DST: variants seen among roughly 807,000 people sequenced by gnomAD.
The protein encoded by DST is dystonin.
In DST, 253 loss-of-function variants were observed where a neutral mutation model predicts 875.2. That is an observed-to-expected ratio of 0.29 (90% CI 0.26 to 0.32). The LOEUF is 0.32. DST is among the 10% of genes least tolerant of loss of function. DST has a pLI of 1.00. For synonymous variants in DST, 3,124 were observed against 3,197.1 expected (o/e 0.98, Z 0.77); for missense variants, 8,287 against 9,111.6 (o/e 0.91, Z 3.68).
intron 49 of DST, among the ~76,000 whole-genome samples, chr6:56,591,913 C>T (rs1428495207): frequency 1.5e-5 from 2 of 137,834 alleles, no homozygotes; most frequent in East Asian, 2.2e-4. Flanking sequence ...ACCCAGGAGG[C>T]GGCAGTTGCC....
At chr6:56,924,481 C>A (rs1805998974) in intron 2 of DST, among the ~76,000 whole-genome samples, 1 of 152,144 alleles carries the variant, frequency 6.6e-6, no homozygotes, top group African/African-American at 2.4e-5. Flanking sequence ...CACAGTTCAG[C>A]TTTTCTGTGT....
chr6:56,498,930 C>T (rs1393057659), intron 80 of DST, among the ~76,000 whole-genome samples: 1 of 152,064 alleles, frequency 6.6e-6, no homozygotes, highest in Non-Finnish European at 1.5e-5. Flanking sequence ...TAATGCCTTC[C>T]TTTTATACAG....
chr6:56,743,242 T>C (rs1242455575), intron 4 of DST, among the ~76,000 whole-genome samples: 1 of 152,064 alleles, frequency 6.6e-6, no homozygotes, highest in Non-Finnish European at 1.5e-5. Context: ...CCTTCCTGAA[T>C]AGAAACTGTA....
chr6:56,629,424 T>C lies in DST; in HGVS notation c.4301A>G (p.Asp1434Gly), dbSNP rs111729774. 4.3e-6 allele frequency: 7 copies of C among 1,613,116 alleles called. No homozygotes were observed. The highest frequency in any genetic ancestry group is 5.9e-6 in the Non-Finnish European group (7 of 1,179,434). Reference protein sequence around the residue: ...STLKQWRSEVDEKRQVFHALE... With the variant: ...STLKQWRSEVGEKRQVFHALE... ...GGCATGGAATACCTGTCTCTTTTCATCTACTTCAGATCTCCATTGCTAAAA... is the reference window on the plus strand; with the variant it reads ...GGCATGGAATACCTGTCTCTTTTCACCTACTTCAGATCTCCATTGCTAAAA... The change falls in exon 32 of 104, where the codon GAT (aspartate) becomes GGT (glycine). Residue 1434 changes from aspartate (D) to glycine (G), a missense_variant. By Grantham distance (94) the Asp-to-Gly change is moderately conservative. Around this residue, in one of 10 missense-constraint regions of DST, gnomAD observed 3,138 missense variants for 3,116.6 expected, o/e 1.01. Transcript: ENST00000680361.
intron 5 of DST, among the ~76,000 whole-genome samples, chr6:56,726,502 T>C (rs944588118): frequency 2.0e-5 from 3 of 152,214 alleles, no homozygotes; most frequent in Admixed American, 1.3e-4. Flanking sequence ...CACCTATGAA[T>C]ATGAGTAAAC....
chr6:56,847,399 AC>A (rs2099808309), intron 4 of DST, among the ~76,000 whole-genome samples: 3 of 152,304 alleles, frequency 2.0e-5, no homozygotes, highest in East Asian at 3.9e-4. Context: ...GACTTTCCAA[AC>A]CGTAAACCTG....
chr6:56,942,425 C>A (rs1490607824), intron 2 of DST, among the ~76,000 whole-genome samples: 1 of 151,976 alleles, frequency 6.6e-6, no homozygotes, highest in African/African-American at 2.4e-5. Flanking sequence ...TTCTTCAGGT[C>A]ATTTGGATAT....
rs1337315204 is a variant in DST at position 56,509,621 on chromosome 6, TC to T, written c.19012+20del. 1 of 1,576,692 alleles carries T rather than the reference TC, an allele frequency of 6.3e-7. No individual in the cohort carries two copies. Among genetic ancestry groups the T allele is most frequent in the African/African-American group, 1.4e-5 (1 of 74,028 alleles). The stretch of plus-strand genomic sequence containing the variant: ...CATTTAGAATGCTTTAAAATTTGTT[TC>T]CCTATTCCAAAAGTATTACCTTTGG... On this transcript the variant is annotated intron_variant, in intron 74 of 103. Coordinates refer to ENST00000680361, the MANE Select transcript of DST (RefSeq NM_001374736.1).
intron 50 of DST, 53 bp from the exon 51 acceptor site, chr6:56,573,940 C>G (rs2097820921): frequency 7.4e-7 from 1 of 1,349,856 alleles, no homozygotes; most frequent in Non-Finnish European, 1.0e-6. Flanking sequence ...TGCCCTATCC[C>G]TTTTCAAAAA....
intron 5 of DST, among the ~76,000 whole-genome samples, chr6:56,728,973 T>TACACACACACAC (rs35066414): frequency 2.3e-5 from 3 of 132,006 alleles, no homozygotes; most frequent in South Asian, 2.7e-4. Flanking sequence ...ATAAAAAAAG[T>TACACACACACAC]ACACACACAC....
At chr6:56,637,684 T>C (rs1047072359) in intron 22 of DST, among the ~76,000 whole-genome samples, 1 of 152,160 alleles carries the variant, frequency 6.6e-6, no homozygotes, top group South Asian at 2.1e-4. Flanking sequence ...GTAAACAATA[T>C]TGTACAAAGG....
chr6:56,474,132 T>C, intron 92 of DST, 130 bp from the exon 93 acceptor site: 4 of 779,354 alleles, frequency 5.1e-6, no homozygotes, highest in Non-Finnish European at 7.9e-6. Context: ...ATATGCTTTA[T>C]CTTTAGGGTA....
chr6:56,470,031 A>G, intron 96 of DST, 74 bp from the exon 97 acceptor site: 1 of 1,601,920 alleles, frequency 6.2e-7, no homozygotes, highest in Non-Finnish European at 8.6e-7. Flanking sequence ...CTTTGACACA[A>G]CAATTAGAGT....
Position 56,492,519 on chromosome 6 carries a change from T to C in DST, c.20551-86A>G, listed in dbSNP as rs2095783903. 1.2e-5 allele frequency: 16 copies of C among 1,333,814 alleles called. No individual in the cohort carries two copies. The South Asian group carries it at 1.9e-4, about 16-fold the overall frequency. The allele number at this position is 1,333,814 out of a possible 1,614,324, so 82.6% of individuals were successfully genotyped here. ...GCTTCTGGTGTCATAAACCTGAAAT[T>C]ATTTTAAAGGACAAACGAAAGCTTT... On this transcript the variant is annotated intron_variant, in intron 84 of 103. Coordinates refer to ENST00000680361, the MANE Select transcript of DST (RefSeq NM_001374736.1).
At chr6:56,854,767 T>C (rs942842316) in intron 3 of DST, among the ~76,000 whole-genome samples, 11 of 152,184 alleles carry the variant, frequency 7.2e-5, no homozygotes, top group Non-Finnish European at 1.6e-4. Context: ...AAGAAGTAAC[T>C]AAGTCAGTGT....
intron 10 of DST, among the ~76,000 whole-genome samples, chr6:56,662,674 T>C (rs1180934339): frequency 6.6e-6 from 1 of 152,210 alleles, no homozygotes; most frequent in Admixed American, 6.5e-5. Flanking sequence ...GCGAGGTGGC[T>C]GATGCCTGTA....
chr6:56,675,268 A>G (rs952929005), intron 9 of DST, among the ~76,000 whole-genome samples: 1 of 152,226 alleles, frequency 6.6e-6, no homozygotes, highest in South Asian at 2.1e-4. Context: ...AAACTGGATT[A>G]AAGACTTACA....
At chr6:56,730,445 T>C (rs1222160205) in intron 5 of DST, among the ~76,000 whole-genome samples, 3 of 152,138 alleles carry the variant, frequency 2.0e-5, no homozygotes, top group Admixed American at 1.3e-4. Context: ...TGTTGTCCTA[T>C]GAATTTCTAG....
chr6:56,602,523 C>G (rs1196711755), intron 43 of DST, among the ~76,000 whole-genome samples: 1 of 151,952 alleles, frequency 6.6e-6, no homozygotes, highest in African/African-American at 2.4e-5. Flanking sequence ...GTAACTCCAT[C>G]ATTAAGTGAT....
Sources: gnomAD v4.1 joint callset for allele counts (sites outside exome capture counted in the v4.1 genomes callset) on GRCh38, gnomAD v4.1.1 for gene constraint, gnomAD v4.1.1 regional missense constraint, MANE v1.5 for transcripts, NCBI Gene and HGNC (gene_info 2026-07-23, HGNC 2026-07-21) for gene names.